Variants in MYRIP observed in about 807,000 individuals in gnomAD.
MYRIP encodes the protein myosin VIIA and Rab interacting protein.
In MYRIP, 49 loss-of-function variants were observed where a neutral mutation model predicts 98.0. The ratio of observed to expected loss-of-function variants is 0.50; its 90% CI spans 0.40 to 0.63. MYRIP has a LOEUF of 0.63. Among genes scored for constraint, MYRIP ranks in the 30% least tolerant of loss-of-function variants. MYRIP has a pLI of 0.00. For missense variants in MYRIP, 1,004 were observed against 1,058.2 expected (o/e 0.95, Z 0.71); for synonymous variants, 404 against 409.5 (o/e 0.99, Z 0.16).
intron 3 of MYRIP, among the ~76,000 whole-genome samples, chr3:40,093,876 A>G (rs1948774956): frequency 6.6e-6 from 1 of 152,206 alleles, no homozygotes; most frequent in Admixed American, 6.5e-5. Context: ...ACAGAACTCC[A>G]TAACATCCAA....
Position 39,973,064 on chromosome 3 carries a change from A to G in MYRIP, c.111-70986A>G, listed in dbSNP as rs1337284104. 2.6e-5 allele frequency among the ~76,000 whole-genome samples: 4 copies of G among 152,230 alleles called. No individual in the cohort carries two copies. The East Asian group carries it at 7.7e-4, about 29-fold the overall frequency. ...TGGAGGGAATATTCATATATATTAGAAATAATTGGGCTAAATGCCCCAATT... is the reference window on the plus strand; with the variant it reads ...TGGAGGGAATATTCATATATATTAGGAATAATTGGGCTAAATGCCCCAATT... On this transcript the variant is annotated intron_variant, in intron 2 of 16. Coordinates refer to ENST00000302541, the MANE Select transcript of MYRIP (RefSeq NM_015460.4).
At chr3:39,875,990 G>T (rs1288411533) in intron 1 of MYRIP, among the ~76,000 whole-genome samples, 1 of 152,002 alleles carries the variant, frequency 6.6e-6, no homozygotes, top group South Asian at 2.1e-4. Flanking sequence ...CTCTTTGTAG[G>T]TCACTCAGGA....
At chr3:40,129,943 A>G (rs983475264) in intron 3 of MYRIP, among the ~76,000 whole-genome samples, 2 of 152,252 alleles carry the variant, frequency 1.3e-5, no homozygotes, top group African/African-American at 4.8e-5. Flanking sequence ...TACTTGTGTC[A>G]TAGAAAAAGA....
intron 11 of MYRIP, among the ~76,000 whole-genome samples, chr3:40,219,976 C>T (rs1952283883): frequency 6.8e-6 from 1 of 147,072 alleles, no homozygotes; most frequent in South Asian, 2.2e-4. Flanking sequence ...TCCTATTTCT[C>T]CACATCCTCT....
intron 3 of MYRIP, 127 bp from the exon 4 acceptor site, chr3:40,150,921 G>C: frequency 1.1e-6 from 1 of 935,462 alleles, no homozygotes; most frequent in South Asian, 2.3e-5. Flanking sequence ...AAAGTCACAA[G>C]GCCCGCCCAG....
chr3:39,957,198 A>G (rs540596360), intron 2 of MYRIP, among the ~76,000 whole-genome samples: 1 of 151,828 alleles, frequency 6.6e-6, no homozygotes, highest in Non-Finnish European at 1.5e-5. Flanking sequence ...CATCATCCTG[A>G]TACCAAAGCC....
At chr3:40,102,789 T>G (rs1559401630) in intron 3 of MYRIP, among the ~76,000 whole-genome samples, 1 of 151,894 alleles carries the variant, frequency 6.6e-6, no homozygotes, top group Non-Finnish European at 1.5e-5. Context: ...AGCAATGGAT[T>G]GCAAACTTAT....
At chr3:40,175,169 G>A (rs115816389) in intron 8 of MYRIP, among the ~76,000 whole-genome samples, 4,789 of 152,144 alleles carry the variant, frequency 0.031, 75 homozygotes, top group Middle Eastern at 0.058. Flanking sequence ...AAATGTTATT[G>A]GGATGGAGAG....
At chr3:40,240,996 G>A (rs1034461146) in intron 12 of MYRIP, among the ~76,000 whole-genome samples, 3 of 152,182 alleles carry the variant, frequency 2.0e-5, no homozygotes, top group Admixed American at 2.0e-4. Flanking sequence ...GGAAGCCCTG[G>A]TGATGAAGTC....
At position 40,258,436 on chromosome 3, in the gene MYRIP, T is replaced by C. The variant is rs1037984208; in HGVS notation, c.*270T>C. ...ACTGGCTTCCAACAGCAGCGCTCCA[T>C]GTTTAAGATACATATTTTCCCTGTT... On this transcript the variant is annotated 3_prime_UTR_variant, in exon 17 of 17. Transcript: ENST00000302541. 1.2e-5 allele frequency: 5 copies of C among 430,970 alleles called. No individual in the cohort carries two copies. In the South Asian group the frequency reaches 3.0e-4, roughly 26 times the overall value. 26.7% of individuals were successfully genotyped at this position (430,970 alleles called of 1,614,324 possible). A position where few individuals can be genotyped will look rare whatever the true frequency, so the allele number is the denominator to read the frequency against.
chr3:40,148,899 C>T (rs1481477596), intron 3 of MYRIP, among the ~76,000 whole-genome samples: 2 of 152,170 alleles, frequency 1.3e-5, no homozygotes, highest in Non-Finnish European at 2.9e-5. Flanking sequence ...ATAGACCTCT[C>T]TTTTGAAAGG....
In MYRIP at chr3:39,900,453, A is replaced by G. The variant is rs561156234; in HGVS notation, c.-30-334A>G. Reference sequence around the variant, plus strand: ...TACTTAACATTTAGAACTTCAAAGCACAAAAGTTTAGAACTTTTAGATATT... The same window carrying G: ...TACTTAACATTTAGAACTTCAAAGCGCAAAAGTTTAGAACTTTTAGATATT... On this transcript the variant is annotated intron_variant, in intron 1 of 16. Transcript: ENST00000302541. 1.3e-3 allele frequency among the ~76,000 whole-genome samples: 191 copies of G among 152,178 alleles called. 1 individual carries two copies. Among genetic ancestry groups the G allele is most frequent in the Middle Eastern group, 6.8e-3 (2 of 294 alleles).
chr3:40,120,708 A>T (rs906627238), intron 3 of MYRIP, among the ~76,000 whole-genome samples: 1 of 152,184 alleles, frequency 6.6e-6, no homozygotes, highest in African/African-American at 2.4e-5. Flanking sequence ...AAGACACAAG[A>T]TTGTCCTTCT....
At chr3:39,906,759 G>T (rs1943889201) in intron 2 of MYRIP, among the ~76,000 whole-genome samples, 1 of 152,150 alleles carries the variant, frequency 6.6e-6, no homozygotes, top group African/African-American at 2.4e-5. Context: ...CCCTCAGCTG[G>T]GATCAGTGTG....
At chr3:40,034,830 C>G (rs1371868774) in intron 2 of MYRIP, among the ~76,000 whole-genome samples, 1 of 151,698 alleles carries the variant, frequency 6.6e-6, no homozygotes, top group Non-Finnish European at 1.5e-5. Context: ...ACCCAAATGT[C>G]CAACAATGAT....
At chr3:40,081,384 T>G (rs1341359258) in intron 3 of MYRIP, among the ~76,000 whole-genome samples, 8 of 152,218 alleles carry the variant, frequency 5.3e-5, no homozygotes, top group Admixed American at 1.3e-4. Flanking sequence ...CAATTGTCTG[T>G]TTATGCTTTA....
chr3:39,900,704 A>C lies in MYRIP; in HGVS notation c.-30-83A>C, dbSNP rs1338738024. The C allele has an allele frequency of 6.9e-6, 5 of 727,506 alleles. No individual in the cohort carries two copies. In the East Asian group the frequency reaches 1.3e-4, roughly 19 times the overall value. The allele number at this position is 727,506 out of a possible 1,614,324, so 45.1% of individuals were successfully genotyped here. On this transcript the variant is annotated intron_variant, in intron 1 of 16. Coordinates refer to ENST00000302541, the MANE Select transcript of MYRIP (RefSeq NM_015460.4). ...ATAAACACTTACATATAAACACTAT[A>C]TTTAACTCTATTTTAATAACAAAAT... is the stretch of plus-strand genomic sequence containing the variant.
intron 10 of MYRIP, among the ~76,000 whole-genome samples, chr3:40,202,020 T>C (rs557000771): frequency 6.6e-6 from 1 of 152,264 alleles, no homozygotes; most frequent in East Asian, 1.9e-4. Context: ...CAAGGAAAAC[T>C]ATGTACATTT....
At chr3:39,866,287 A>T (rs562304344) in intron 1 of MYRIP, among the ~76,000 whole-genome samples, 1 of 152,280 alleles carries the variant, frequency 6.6e-6, no homozygotes, top group South Asian at 2.1e-4. Flanking sequence ...CCCATGACAC[A>T]TAATTTACCT....
Sources: allele counts gnomAD v4.1 joint callset (sites outside exome capture counted in the v4.1 genomes callset), GRCh38; gene constraint gnomAD v4.1.1; transcripts MANE v1.5; gene names NCBI Gene and HGNC (gene_info 2026-07-23, HGNC 2026-07-21).